DENND6B: variants seen among roughly 807,000 people sequenced by gnomAD.
DENND6B encodes protein DENND6B.
DENND6B carries 73 observed loss-of-function variants against 85.1 expected under a neutral mutation model. The observed-to-expected ratio is 0.86, with a 90% confidence interval of 0.71 to 1.04. The LOEUF is 1.04. Among genes scored for constraint, DENND6B ranks in the 50% least tolerant of loss-of-function variants. The pLI is 0.00. For synonymous variants in DENND6B, 357 were observed against 329.3 expected, an observed-to-expected ratio of 1.08 and a Z score of -0.91; for missense variants, 715 against 785.8, an observed-to-expected ratio of 0.91 and a Z score of 1.08.
chr22:50,314,911 G>C lies in DENND6B; in HGVS notation c.769C>G (p.Pro257Ala), dbSNP rs2041751992. 2.5e-6 allele frequency: 4 copies of C among 1,610,078 alleles called. No individual in the cohort carries two copies. The South Asian group carries it at 3.3e-5, about 13-fold the overall frequency. Residue 257 changes from proline to alanine, a missense_variant, in exon 10 of 20, where the codon CCT (proline) becomes GCT (alanine). By Grantham distance (27) the Pro-to-Ala change is conservative. Coordinates refer to ENST00000413817, the MANE Select transcript of DENND6B (RefSeq NM_001001794.4). ...AGTGTCTGCATATGAGTCAGCACAG[G>C]CCGGAAGCACCTGGGGCCGGGCAGG... ...HELDLFRCFR[P>A]VLTHMQTLWE...
At chr22:50,316,571 G>A (rs1227875503) in intron 5 of DENND6B, 96 bp from the exon 6 acceptor site, 3 of 1,545,166 alleles carry the variant, frequency 1.9e-6, no homozygotes, top group Non-Finnish European at 1.7e-6. Flanking sequence ...CTCACCTGGA[G>A]CTGGCCCAGG....
chr22:50,315,533 G>A (rs1213854100), intron 9 of DENND6B, among the ~76,000 whole-genome samples, 181 bp downstream of exon 9: 3 of 152,170 alleles, frequency 2.0e-5, no homozygotes, highest in African/African-American at 4.8e-5. Flanking sequence ...CAGGATGAGC[G>A]CTGCCTCCCT....
rs776456712 is a variant in DENND6B, at chr22:50,314,930, G to A, written c.759-9C>T. On this transcript the variant is annotated splice_polypyrimidine_tract_variant and intron_variant, in intron 9 of 19. Coordinates refer to ENST00000413817, the MANE Select transcript of DENND6B (RefSeq NM_001001794.4). ...GCACAGGCCGGAAGCACCTGGGGCCGGGCAGGAAGGTCGGGGAGGTCAGGC... is the reference window on the plus strand; with the variant it reads ...GCACAGGCCGGAAGCACCTGGGGCCAGGCAGGAAGGTCGGGGAGGTCAGGC... The A allele has an allele frequency of 8.6e-5, 138 of 1,607,580 alleles. 1 individual carries two copies. The highest frequency in any genetic ancestry group is 2.2e-4 in the Admixed American group (13 of 59,902).
At chr22:50,314,963 G>A (rs371560896) in intron 9 of DENND6B, 42 bp from the exon 10 acceptor site, 2 of 1,598,630 alleles carry the variant, frequency 1.3e-6, no homozygotes, top group African/African-American at 2.7e-5. Context: ...GGCAGGGGCT[G>A]AGACTCCTGG....
chr22:50,314,859 G>T lies in DENND6B; in HGVS notation c.821C>A (p.Pro274His). Residue 274 changes from proline to histidine, a missense_variant, in exon 10 of 20, where the codon CCC becomes CAC. By Grantham distance (77) the Pro-to-His change is moderately conservative (BLOSUM62 -2). Transcript: ENST00000413817. ...GGGCGAGGGTGCCAGGACTAGCAGG[G>T]GCTCCCCGAGGAGCATGAGCTCCCA... ...TLWELMLLGEPLLVLAPSPDV... is the reference protein window; with the variant it reads ...TLWELMLLGEHLLVLAPSPDV... The T allele has an allele frequency of 1.9e-6, 3 of 1,612,096 alleles. No homozygotes were observed. Among genetic ancestry groups the T allele is most frequent in the South Asian group, 1.1e-5 (1 of 90,914 alleles).
chr22:50,315,566 G>A (rs960023803), intron 9 of DENND6B, 148 bp downstream of exon 9: 1 of 971,948 alleles, frequency 1.0e-6, no homozygotes, highest in South Asian at 1.7e-5. Flanking sequence ...ACATGGCGCT[G>A]GCCATACACA....
In DENND6B at chr22:50,318,967, CCTT is replaced by C. The variant is rs1431232981; in HGVS notation, c.211_213del (p.Lys71del). On this transcript the variant is annotated inframe_deletion, in exon 2 of 20. Coordinates refer to ENST00000413817, the MANE Select transcript of DENND6B (RefSeq NM_001001794.4). ...TTCCCAAGAGGGCCGGGACTCACCT[CCTT>C]GTCTGTGAGCCGGAAGTCGTTCGGA... 1.2e-6 allele frequency: 2 copies of C among 1,607,076 alleles called. No homozygotes were observed. The highest frequency in any genetic ancestry group is 1.7e-6 in the Non-Finnish European group (2 of 1,176,944).
chr22:50,312,473 T>C lies in DENND6B; in HGVS notation c.1560+50A>G, dbSNP rs754232609. 2.9e-5 allele frequency: 46 copies of C among 1,582,728 alleles called. No homozygotes were observed. In the Middle Eastern group the frequency reaches 6.6e-4, roughly 23 times the overall value. ...AAGGCCCCTCACTGCCCTGGGCCTG[T>C]GCCCACCCCCACCATGTTCTGGCCC... On this transcript the variant is annotated intron_variant, in intron 18 of 19. Coordinates refer to ENST00000413817, the MANE Select transcript of DENND6B (RefSeq NM_001001794.4).
chr22:50,321,238 C>T, intron 1 of DENND6B, among the ~76,000 whole-genome samples: 1 of 152,198 alleles, frequency 6.6e-6, no homozygotes. Flanking sequence ...TGAGAGCCTC[C>T]TCTCTCATCT....
At chr22:50,315,857 G>A (rs78076701) in intron 8 of DENND6B, 88 bp from the exon 9 acceptor site, 54,655 of 1,482,194 alleles carry the variant, frequency 0.037, 1,149 homozygotes, top group Non-Finnish European at 0.044. Context: ...CACAGGGGAA[G>A]GTGGAGAGCA....
intron 16 of DENND6B, 106 bp from the exon 17 acceptor site, chr22:50,313,214 C>T (rs1409223876): frequency 1.6e-6 from 2 of 1,247,806 alleles, no homozygotes; most frequent in East Asian, 5.1e-5. Context: ...CCCCCAGCCC[C>T]CACCCTGCCT....
intron 8 of DENND6B, 70 bp from the exon 9 acceptor site, chr22:50,315,839 C>A (rs2041794049): frequency 6.8e-7 from 1 of 1,469,144 alleles, no homozygotes; most frequent in Non-Finnish European, 9.1e-7. Flanking sequence ...GCAGCCCCTG[C>A]CTCACAGCAC....
chr22:50,312,119 C>G lies in DENND6B; in HGVS notation c.*20G>C, dbSNP rs777739617. On this transcript the variant is annotated 3_prime_UTR_variant, in exon 20 of 20. Transcript: ENST00000413817. Reference sequence around the variant, plus strand: ...CTCAGGCAGACCTAGGGCCCTGGGACCGTGGCCCTTGGCTTTGTTCTAGGG... The same window carrying G: ...CTCAGGCAGACCTAGGGCCCTGGGAGCGTGGCCCTTGGCTTTGTTCTAGGG... The G allele has an allele frequency of 3.7e-6, 6 of 1,610,894 alleles. No individual in the cohort carries two copies. The South Asian group carries it at 5.5e-5, about 15-fold the overall frequency.
intron 16 of DENND6B, 109 bp from the exon 17 acceptor site, chr22:50,313,217 C>T (rs1462661393): frequency 1.6e-6 from 2 of 1,221,632 alleles, no homozygotes; most frequent in Non-Finnish European, 2.3e-6. Context: ...CCAGCCCCCA[C>T]CCTGCCTGGC....
At chr22:50,320,708 G>A (rs2042016910) in intron 1 of DENND6B, among the ~76,000 whole-genome samples, 1 of 152,096 alleles carries the variant, frequency 6.6e-6, no homozygotes, top group South Asian at 2.1e-4. Flanking sequence ...GGAGATATAG[G>A]GCCACTCAGC....
At chr22:50,319,067 C>G in intron 1 of DENND6B, 64 bp from the exon 2 acceptor site, 1 of 1,551,450 alleles carries the variant, frequency 6.4e-7, no homozygotes, top group Non-Finnish European at 8.7e-7. Flanking sequence ...CCCTCGACAG[C>G]ATCTGCTGGA....
rs1381600114 is a variant in DENND6B, at chr22:50,314,510, G to A, written c.978-16C>T. The A allele has an allele frequency of 3.2e-6, 5 of 1,555,832 alleles. No individual in the cohort carries two copies. Among genetic ancestry groups the A allele is most frequent in the Non-Finnish European group, 4.4e-6 (5 of 1,149,140 alleles). On this transcript the variant is annotated splice_polypyrimidine_tract_variant and intron_variant, in intron 11 of 19. Coordinates refer to ENST00000413817, the MANE Select transcript of DENND6B (RefSeq NM_001001794.4). ...CACGTTTGGTCTAGACAGACAGAGA[G>A]AGAGAAGAGGCAGAGACAGAGGTCC...
intron 1 of DENND6B, among the ~76,000 whole-genome samples, chr22:50,323,432 G>A (rs1389271054): frequency 6.6e-6 from 1 of 151,686 alleles, no homozygotes; most frequent in African/African-American, 2.4e-5. Flanking sequence ...TGGGATTACA[G>A]GCATACAATG....
chr22:50,326,058 G>C (rs1306243707), intron 1 of DENND6B, among the ~76,000 whole-genome samples: 1 of 152,234 alleles, frequency 6.6e-6, no homozygotes, highest in Non-Finnish European at 1.5e-5. Context: ...CCCCTGTGCT[G>C]GTCAGCTCCC....
Sources: allele counts gnomAD v4.1 joint callset (sites outside exome capture counted in the v4.1 genomes callset), GRCh38; gene constraint gnomAD v4.1.1; transcripts MANE v1.5; gene names NCBI Gene and HGNC (gene_info 2026-07-23, HGNC 2026-07-21).